Variants in FGF10 observed in about 807,000 individuals in gnomAD.
FGF10 encodes fibroblast growth factor 10.
FGF10 carries 2 observed loss-of-function variants against 19.8 expected under a neutral mutation model. The ratio of observed to expected loss-of-function variants is 0.10; its 90% CI spans 0.04 to 0.32. FGF10 has a LOEUF of 0.32. FGF10 is among the 10% of genes least tolerant of loss of function. FGF10 has a pLI of 1.00. For missense variants in FGF10, 191 were observed against 246.3 expected (o/e 0.78, Z 1.50); for synonymous variants, 112 against 94.0 (o/e 1.19, Z -1.10).
At chr5:44,347,274 G>A (rs1741109936) in intron 1 of FGF10, among the ~76,000 whole-genome samples, 6 of 151,468 alleles carry the variant, frequency 4.0e-5, no homozygotes, top group Admixed American at 2.0e-4. Context: ...TCTCCTTCAC[G>A]TCACTGTCAA....
intron 1 of FGF10, among the ~76,000 whole-genome samples, chr5:44,375,953 A>T (rs1372681380): frequency 2.0e-5 from 3 of 152,046 alleles, no homozygotes; most frequent in Non-Finnish European, 2.9e-5. Context: ...ATATTACAAA[A>T]TTTTTTTGAG....
intron 1 of FGF10, among the ~76,000 whole-genome samples, chr5:44,340,373 C>T (rs1034517731): frequency 1.3e-5 from 2 of 152,016 alleles, no homozygotes; most frequent in African/African-American, 2.4e-5. Flanking sequence ...AAAGTGCCAA[C>T]ATTTTAGCTT....
chr5:44,316,971 C>T (rs986038602), intron 1 of FGF10, among the ~76,000 whole-genome samples: 6 of 152,152 alleles, frequency 3.9e-5, no homozygotes, highest in South Asian at 2.1e-4. Context: ...ATATGGCCCC[C>T]TTAAATATAT....
Position 44,305,087 on chromosome 5 carries a change from C to T in FGF10, c.535G>A (p.Ala179Thr). The T allele has an allele frequency of 6.2e-7, 1 of 1,613,996 alleles. No homozygotes were observed. The highest frequency in any genetic ancestry group is 2.2e-5 in the East Asian group (1 of 44,852). ...CTTGGAGCTCCTTTTCCATTCAATG[C>T]CACATACATTTGCCTCCCATTATGC... is the stretch of plus-strand genomic sequence containing the variant. The part of the protein sequence containing the change: ...WQHNGRQMYV[A>T]LNGKGAPRRG... Residue 179 changes from alanine (A) to threonine (T), a missense_variant, in exon 3 of 3, where the codon GCA (alanine) becomes ACA (threonine). Physicochemically the swap from Ala to Thr is moderately conservative, Grantham distance 58 (BLOSUM62 0). Around this residue, in one of 2 missense-constraint regions of FGF10, gnomAD observed 99 missense variants for 161.7 expected, o/e 0.61. Coordinates refer to ENST00000264664, the MANE Select transcript of FGF10 (RefSeq NM_004465.2).
At chr5:44,309,489 C>T (rs1004194185) in intron 2 of FGF10, among the ~76,000 whole-genome samples, 1 of 152,142 alleles carries the variant, frequency 6.6e-6, no homozygotes, top group Non-Finnish European at 1.5e-5. Flanking sequence ...TATTTGTTAA[C>T]ATTTCCCCTA....
chr5:44,389,290 G>A lies in FGF10; in HGVS notation c.-608C>T, dbSNP rs766976559. The A allele has an allele frequency of 9.5e-5, 15 of 157,816 alleles. No individual in the cohort carries two copies. The highest frequency in any genetic ancestry group is 1.8e-4 in the Non-Finnish European group (13 of 71,512). The allele number at this position is 157,816 out of a possible 1,614,324, so 9.8% of individuals were successfully genotyped here. A position where few individuals can be genotyped will look rare whatever the true frequency, so the allele number is the denominator to read the frequency against. On this transcript the variant is annotated 5_prime_UTR_variant, in exon 1 of 3. Coordinates refer to ENST00000264664, the MANE Select transcript of FGF10 (RefSeq NM_004465.2). ...CTTTCTGTTTTTAGTGGTGCCTGCC[G>A]ATTTGAAGGCTGCCGAAAGTCACTT...
intron 1 of FGF10, among the ~76,000 whole-genome samples, chr5:44,328,308 A>G (rs1404600730): frequency 2.0e-5 from 3 of 152,224 alleles, no homozygotes; most frequent in Non-Finnish European, 4.4e-5. Flanking sequence ...ATTTGCTGGC[A>G]AATTTATTAC....
chr5:44,377,631 C>G (rs1016149731), intron 1 of FGF10, among the ~76,000 whole-genome samples: 2 of 152,062 alleles, frequency 1.3e-5, no homozygotes, highest in African/African-American at 4.8e-5. Flanking sequence ...ATTTTAAGCA[C>G]CTTGTTCTCT....
chr5:44,348,690 GTATT>G (rs1741145158), intron 1 of FGF10, among the ~76,000 whole-genome samples: 1 of 151,396 alleles, frequency 6.6e-6, no homozygotes, highest in African/African-American at 2.4e-5. Flanking sequence ...TATTTTAAGT[GTATT>G]TATATTACAT....
intron 1 of FGF10, among the ~76,000 whole-genome samples, chr5:44,343,226 C>CT (rs1265766929): frequency 6.6e-6 from 1 of 152,010 alleles, no homozygotes; most frequent in Admixed American, 6.6e-5. Flanking sequence ...GAAATCTATG[C>CT]TATGAATCCT....
chr5:44,388,512 G>C lies in FGF10; in HGVS notation c.171C>G (p.Phe57Leu), dbSNP rs773650137. ...PEATNSSSSS[F>L]SSPSSAGRHV... ...GCCTTCCCGCGCTGGAAGGAGAGGA[G>C]AAGGAGGAGGAAGAAGAGTTGGTGG... The change falls in exon 1 of 3, where the codon TTC (phenylalanine) becomes TTG (leucine). Residue 57 changes from phenylalanine (F) to leucine (L), a missense_variant. Physicochemically the swap from Phe to Leu is conservative, Grantham distance 22. This residue lies in a region of FGF10 where 92 missense variants were observed against 84.6 expected (regional missense o/e 1.09). Transcript: ENST00000264664. The C allele has an allele frequency of 3.1e-6, 5 of 1,614,144 alleles. No individual in the cohort carries two copies. In the South Asian group the frequency reaches 4.4e-5, roughly 14 times the overall value.
intron 1 of FGF10, among the ~76,000 whole-genome samples, chr5:44,357,678 A>G (rs1366132479): frequency 6.6e-6 from 1 of 151,448 alleles, no homozygotes; most frequent in Non-Finnish European, 1.5e-5. Context: ...CTTAACCATT[A>G]TGCTATTTTG....
At chr5:44,343,552 T>A (rs1162628769) in intron 1 of FGF10, among the ~76,000 whole-genome samples, 2 of 151,986 alleles carry the variant, frequency 1.3e-5, no homozygotes, top group Non-Finnish European at 2.9e-5. Context: ...TGAAATAACA[T>A]TAAATCATAA....
chr5:44,365,132 A>C (rs1252089896), intron 1 of FGF10, among the ~76,000 whole-genome samples: 1 of 151,728 alleles, frequency 6.6e-6, no homozygotes, highest in African/African-American at 2.4e-5. Context: ...TTGTGGAGAG[A>C]GATTGAAGTG....
chr5:44,323,071 G>C (rs144314967), intron 1 of FGF10, among the ~76,000 whole-genome samples: 1 of 152,016 alleles, frequency 6.6e-6, no homozygotes, highest in African/African-American at 2.4e-5. Flanking sequence ...AATATGTTTT[G>C]GAAGGTCCTG....
At chr5:44,315,790 G>C (rs1045150201) in intron 1 of FGF10, among the ~76,000 whole-genome samples, 1 of 152,092 alleles carries the variant, frequency 6.6e-6, no homozygotes, top group African/African-American at 2.4e-5. Context: ...AGGACTTAGG[G>C]AGCTCCTTGG....
intron 1 of FGF10, among the ~76,000 whole-genome samples, chr5:44,386,612 A>G (rs1742103567): frequency 6.6e-6 from 1 of 152,220 alleles, no homozygotes; most frequent in African/African-American, 2.4e-5. Context: ...GAATTCGGGT[A>G]ACAAATGATT....
chr5:44,368,570 G>A (rs1393586863), intron 1 of FGF10, among the ~76,000 whole-genome samples: 4 of 152,074 alleles, frequency 2.6e-5, no homozygotes, highest in African/African-American at 7.2e-5. Flanking sequence ...TATAGGTCAA[G>A]CTTATTAAAT....
chr5:44,323,299 T>C (rs1032468290), intron 1 of FGF10, among the ~76,000 whole-genome samples: 1 of 152,180 alleles, frequency 6.6e-6, no homozygotes, highest in Non-Finnish European at 1.5e-5. Context: ...GCAGCCAGTA[T>C]TTTGTAGGAA....
Sources: gnomAD v4.1 joint callset for allele counts (sites outside exome capture counted in the v4.1 genomes callset) on GRCh38, gnomAD v4.1.1 for gene constraint, gnomAD v4.1.1 regional missense constraint, MANE v1.5 for transcripts, NCBI Gene and HGNC (gene_info 2026-07-23, HGNC 2026-07-21) for gene names.